SHROOM2: variants seen among roughly 807,000 people sequenced by gnomAD.
SHROOM2 encodes shroom family member 2.
SHROOM2 carries 33 observed loss-of-function variants against 75.9 expected under a neutral mutation model. The observed-to-expected ratio is 0.43, with a 90% CI of 0.33 to 0.58. The LOEUF is 0.58. Among genes scored for constraint, SHROOM2 ranks in the 20% least tolerant of loss-of-function variants. SHROOM2 has a pLI of 0.04. For missense variants in SHROOM2, 1,434 were observed against 1,461.2 expected (o/e 0.98, Z 0.30); for synonymous variants, 655 against 663.6 (o/e 0.99, Z 0.20).
At chrX:9,866,610 G>A (rs1365090000) in intron 1 of SHROOM2, among the ~76,000 whole-genome samples, 5 of 110,786 alleles carry the variant, frequency 4.5e-5, no homozygotes, top group African/African-American at 1.6e-4. Context: ...GAGATGTAGG[G>A]GTAGTGCCCA....
intron 1 of SHROOM2, among the ~76,000 whole-genome samples, chrX:9,815,434 ATG>A (rs56223508): frequency 0.016 from 1,393 of 88,675 alleles, 16 homozygotes; most frequent in African/African-American, 0.041. Flanking sequence ...TATACATATT[ATG>A]TGTGTGTGTG....
At chrX:9,900,858 C>A (rs982203430) in intron 5 of SHROOM2, among the ~76,000 whole-genome samples, 88 of 110,377 alleles carry the variant, frequency 8.0e-4, no homozygotes, top group Non-Finnish European at 1.5e-3. Context: ...CCCCCACCCC[C>A]ACTGCCATCA....
At chrX:9,875,413 G>A (rs2084195487) in intron 2 of SHROOM2, among the ~76,000 whole-genome samples, 1 of 111,268 alleles carries the variant, frequency 9.0e-6, no homozygotes, top group Non-Finnish European at 1.9e-5. Flanking sequence ...GGTAAGACGA[G>A]GAGTTATAAA....
intron 1 of SHROOM2, among the ~76,000 whole-genome samples, chrX:9,800,491 G>A (rs970876936): frequency 9.1e-6 from 1 of 109,652 alleles, no homozygotes; most frequent in Non-Finnish European, 1.9e-5. Context: ...CAGGCACCTG[G>A]CACCATGCCT....
chrX:9,891,986 G>A (rs1326479268), intron 3 of SHROOM2, among the ~76,000 whole-genome samples: 2 of 110,460 alleles, frequency 1.8e-5, no homozygotes, highest in East Asian at 2.8e-4. Context: ...TTGGCTGGGC[G>A]CAATGGTTCA....
In SHROOM2 at chrX:9,948,344, T is replaced by C. The variant is rs1398846298; in HGVS notation, c.*1407T>C. The C allele has an allele frequency of 2.7e-5, 3 of 113,058 alleles. No individual in the cohort carries two copies. The highest frequency in any genetic ancestry group is 9.6e-5 in the African/African-American group (3 of 31,177). 9.3% of individuals were successfully genotyped at this position (113,058 alleles called of 1,213,427 possible). On this transcript the variant is annotated 3_prime_UTR_variant, in exon 10 of 10. Transcript: ENST00000380913. ...TTTCTTCAAAAAATGTTTAATTAAA[T>C]GCATGTTAATGGTGAGTGAATCCCT... is the stretch of plus-strand genomic sequence containing the variant.
In SHROOM2 at chrX:9,946,966, CG is replaced by C. The variant is rs2084827023; in HGVS notation, c.*33del. ...ACCAGTCCCCGGTGGAGGAGGGGCA[CG>C]GGGCCTCCGAGCTCCAGCTCCGTTC... On this transcript the variant is annotated 3_prime_UTR_variant, in exon 10 of 10. Coordinates refer to ENST00000380913, the MANE Select transcript of SHROOM2 (RefSeq NM_001649.4). The C allele has an allele frequency of 8.6e-7, 1 of 1,159,823 alleles. No individual in the cohort carries two copies. Among genetic ancestry groups the C allele is most frequent in the East Asian group, 3.1e-5 (1 of 32,493 alleles).
chrX:9,835,805 A>G (rs936086772), intron 1 of SHROOM2, among the ~76,000 whole-genome samples: 6 of 108,761 alleles, frequency 5.5e-5, no homozygotes, highest in African/African-American at 2.0e-4. Context: ...TGGAACCATC[A>G]TAGGTCACTG....
chrX:9,931,387 G>A (rs954229384), intron 5 of SHROOM2, among the ~76,000 whole-genome samples: 1 of 111,280 alleles, frequency 9.0e-6, no homozygotes, highest in Non-Finnish European at 1.9e-5. Flanking sequence ...GGTGGCGCAT[G>A]CCTGTAGATC....
At chrX:9,892,631 C>A (rs1281312927) in intron 3 of SHROOM2, among the ~76,000 whole-genome samples, 1 of 112,015 alleles carries the variant, frequency 8.9e-6, no homozygotes, top group Non-Finnish European at 1.9e-5. Flanking sequence ...TGGGATCTCA[C>A]AGAAAAGTCC....
chrX:9,870,428 G>A (rs1014064638), intron 1 of SHROOM2, among the ~76,000 whole-genome samples: 2 of 112,272 alleles, frequency 1.8e-5, no homozygotes, highest in East Asian at 5.5e-4. Flanking sequence ...CTCATTAAAG[G>A]TATAAATTAA....
chrX:9,930,903 C>T (rs1014647172), intron 5 of SHROOM2, among the ~76,000 whole-genome samples: 11 of 109,478 alleles, frequency 1.0e-4, no homozygotes, highest in Admixed American at 4.9e-4. Flanking sequence ...CCACCATGCC[C>T]GGCTAATTTT....
intron 1 of SHROOM2, among the ~76,000 whole-genome samples, chrX:9,843,162 T>G (rs1195436768): frequency 9.1e-6 from 1 of 110,053 alleles, no homozygotes; most frequent in African/African-American, 3.3e-5. Context: ...TAAGGAGAAT[T>G]CTCACCTCCC....
At chrX:9,935,412 G>A (rs944843481) in intron 6 of SHROOM2, among the ~76,000 whole-genome samples, 3 of 110,149 alleles carry the variant, frequency 2.7e-5, no homozygotes, top group Non-Finnish European at 5.7e-5. Flanking sequence ...ACTCCTGGGC[G>A]CAAGCAGTCC....
chrX:9,886,394 A>T (rs953128803), intron 2 of SHROOM2, among the ~76,000 whole-genome samples: 9 of 112,615 alleles, frequency 8.0e-5, no homozygotes, highest in African/African-American at 2.9e-4. Context: ...ATCCACAGGG[A>T]TGTCCCATAG....
chrX:9,830,558 C>T (rs1320285365), intron 1 of SHROOM2, among the ~76,000 whole-genome samples: 1 of 97,055 alleles, frequency 1.0e-5, no homozygotes, highest in Non-Finnish European at 2.0e-5. Context: ...TTAGCTGTTA[C>T]AGGGTCTCAA....
chrX:9,819,291 T>A (rs5934690), intron 1 of SHROOM2: 7 of 613,211 alleles, frequency 1.1e-5, no homozygotes, highest in Non-Finnish European at 1.8e-5. Flanking sequence ...AATGTAACAA[T>A]GTATCCCACC....
chrX:9,928,286 G>A (rs2147049764), intron 5 of SHROOM2, among the ~76,000 whole-genome samples: 1 of 112,385 alleles, frequency 8.9e-6, no homozygotes, highest in African/African-American at 3.2e-5. Context: ...TGGGAACGTG[G>A]CATTAGCATG....
intron 1 of SHROOM2, among the ~76,000 whole-genome samples, chrX:9,842,953 T>C (rs1380777032): frequency 8.9e-6 from 1 of 111,991 alleles, no homozygotes; most frequent in Non-Finnish European, 1.9e-5. Context: ...TTTCAGACCC[T>C]GTCTGGCTCC....
Sources: allele counts gnomAD v4.1 joint callset (sites outside exome capture counted in the v4.1 genomes callset), GRCh38; gene constraint gnomAD v4.1.1; transcripts MANE v1.5; gene names NCBI Gene and HGNC (gene_info 2026-07-23, HGNC 2026-07-21).